TRAPPC6B: variants seen among roughly 807,000 people sequenced by gnomAD.
The protein encoded by TRAPPC6B is TRAPP complex subunit 6B.
In TRAPPC6B, 27 loss-of-function variants were observed where a neutral mutation model predicts 24.7. The observed-to-expected ratio is 1.09, with a 90% CI of 0.81 to 1.51. The LOEUF is 1.51. Ranked by LOEUF, TRAPPC6B falls within the 40% of genes most tolerant of loss-of-function variation. TRAPPC6B has a pLI of 0.00. For missense variants in TRAPPC6B, 212 were observed against 190.8 expected, an observed-to-expected ratio of 1.11 and a Z score of -0.66; for synonymous variants, 80 against 66.6, an observed-to-expected ratio of 1.20 and a Z score of -0.98.
At chr14:39,168,437 C>T (rs1476873710) in intron 1 of TRAPPC6B, among the ~76,000 whole-genome samples, 1 of 152,096 alleles carries the variant, frequency 6.6e-6, no homozygotes, top group East Asian at 1.9e-4. Flanking sequence ...AAAAAAATCT[C>T]TATTATAGAT....
chr14:39,165,267 G>A (rs533345743), intron 1 of TRAPPC6B, among the ~76,000 whole-genome samples: 2 of 152,054 alleles, frequency 1.3e-5, no homozygotes, highest in African/African-American at 2.4e-5. Flanking sequence ...GGACGGTCTC[G>A]ATCTCCTGAC....
chr14:39,164,637 G>A (rs1367798602), intron 1 of TRAPPC6B, among the ~76,000 whole-genome samples: 1 of 152,028 alleles, frequency 6.6e-6, no homozygotes, highest in Non-Finnish European at 1.5e-5. Context: ...AGGAGTTCGA[G>A]GGCAGCCTGG....
chr14:39,168,300 G>T (rs563573086), intron 1 of TRAPPC6B, among the ~76,000 whole-genome samples: 2 of 152,028 alleles, frequency 1.3e-5, no homozygotes, highest in Non-Finnish European at 2.9e-5. Context: ...AAGTGGTTTG[G>T]GGGGATCGGG....
intron 3 of TRAPPC6B, chr14:39,157,481 A>C (rs1481259673): frequency 2.6e-6 from 1 of 377,622 alleles, no homozygotes; most frequent in African/African-American, 2.1e-5. Flanking sequence ...GCAGGAGTTA[A>C]CACCATCTCC....
intron 3 of TRAPPC6B, among the ~76,000 whole-genome samples, chr14:39,155,122 G>T (rs1378048600): frequency 6.6e-6 from 1 of 151,950 alleles, no homozygotes; most frequent in Non-Finnish European, 1.5e-5. Context: ...TAGAAAGGGG[G>T]TCTCCCTATG....
At chr14:39,169,990 C>T (rs974007894) in intron 1 of TRAPPC6B, 25 bp downstream of exon 1, 2 of 1,612,628 alleles carry the variant, frequency 1.2e-6, no homozygotes, top group Non-Finnish European at 1.7e-6. Context: ...GCAAAAGGAC[C>T]TCAAGGTTGT....
intron 3 of TRAPPC6B, among the ~76,000 whole-genome samples, chr14:39,155,090 G>A (rs1043908939): frequency 4.6e-5 from 7 of 151,692 alleles, no homozygotes; most frequent in African/African-American, 9.7e-5. Flanking sequence ...CACCACACCC[G>A]GCTAGTTTTA....
chr14:39,159,571 T>A (rs1254834353), intron 1 of TRAPPC6B, 21 bp from the exon 2 acceptor site: 7 of 1,554,296 alleles, frequency 4.5e-6, no homozygotes, highest in Middle Eastern at 3.4e-4. Context: ...AAACAATAGT[T>A]TTAAATACTT....
intron 1 of TRAPPC6B, among the ~76,000 whole-genome samples, chr14:39,161,724 T>C (rs1212416989): frequency 6.6e-6 from 1 of 152,118 alleles, no homozygotes; most frequent in Non-Finnish European, 1.5e-5. Context: ...CCAGGTACAC[T>C]TCACTAGCCT....
chr14:39,156,552 G>A lies in TRAPPC6B; in HGVS notation c.267+1733C>T, dbSNP rs532320158. ...AAGACTAGTCTGGGCAACAAAGCGAGACTCTGTCTCCCTTTTAAAATTTTA... is the reference window on the plus strand; with the variant it reads ...AAGACTAGTCTGGGCAACAAAGCGAAACTCTGTCTCCCTTTTAAAATTTTA... On this transcript the variant is annotated intron_variant, in intron 3 of 5. Coordinates refer to ENST00000330149, the MANE Select transcript of TRAPPC6B (RefSeq NM_001079537.2). Among the ~76,000 whole-genome samples, 10 of 152,200 alleles carry A rather than the reference G, an allele frequency of 6.6e-5. 1 individual carries two copies. In the South Asian group the frequency reaches 2.1e-3, roughly 32 times the overall value.
At chr14:39,159,884 G>A (rs1327449291) in intron 1 of TRAPPC6B, among the ~76,000 whole-genome samples, 1 of 152,060 alleles carries the variant, frequency 6.6e-6, no homozygotes, top group East Asian at 1.9e-4. Flanking sequence ...GTACAGTGGG[G>A]CCATCTCGGC....
chr14:39,148,593 T>A lies in TRAPPC6B; in HGVS notation c.*1757A>T. 1 of 398,414 alleles carries A rather than the reference T, an allele frequency of 2.5e-6. No homozygotes were observed. The highest frequency in any genetic ancestry group is 4.4e-6 in the Non-Finnish European group (1 of 225,950). 24.7% of individuals were successfully genotyped at this position (398,414 alleles called of 1,614,324 possible). A position where few individuals can be genotyped will look rare whatever the true frequency, so the allele number is the denominator to read the frequency against. On this transcript the variant is annotated 3_prime_UTR_variant, in exon 6 of 6. Transcript: ENST00000330149. ...TTCTCACACCTGTTTTATTTTGAAG[T>A]TCTCTATTGTGTTCTATTTTGATCT...
chr14:39,169,991 T>G, intron 1 of TRAPPC6B, 24 bp downstream of exon 1: 1 of 1,612,614 alleles, frequency 6.2e-7, no homozygotes, highest in Non-Finnish European at 8.5e-7. Context: ...CAAAAGGACC[T>G]CAAGGTTGTG....
chr14:39,166,270 CA>C (rs1429265114), intron 1 of TRAPPC6B, among the ~76,000 whole-genome samples: 1 of 116,082 alleles, frequency 8.6e-6, no homozygotes, highest in Non-Finnish European at 1.9e-5. Context: ...AAAAAAAAAA[CA>C]AAAAAACAAG....
chr14:39,159,360 A>G (rs2053026706), intron 2 of TRAPPC6B, 123 bp downstream of exon 2: 1 of 552,502 alleles, frequency 1.8e-6, no homozygotes, highest in African/African-American at 2.0e-5. Flanking sequence ...TAATTTTTGA[A>G]GTAAAGAGAA....
chr14:39,156,189 C>A (rs1380613466), intron 3 of TRAPPC6B, among the ~76,000 whole-genome samples: 1 of 152,042 alleles, frequency 6.6e-6, no homozygotes, highest in Admixed American at 6.6e-5. Context: ...AAAGTTGGTA[C>A]AAAATGAATT....
At chr14:39,163,782 G>A (rs1452196489) in intron 1 of TRAPPC6B, among the ~76,000 whole-genome samples, 3 of 150,880 alleles carry the variant, frequency 2.0e-5, no homozygotes, top group Non-Finnish European at 4.4e-5. Flanking sequence ...TTAAATCTGC[G>A]TTTCTAGTAC....
chr14:39,157,106 CAAAAAAA>C (rs58837625), intron 3 of TRAPPC6B: 32 of 142,904 alleles, frequency 2.2e-4, no homozygotes, highest in Non-Finnish European at 2.0e-4. Flanking sequence ...GACTCCATCT[CAAAAAAA>C]AAAAAAAAAA....
chr14:39,163,945 A>T (rs1283156755), intron 1 of TRAPPC6B, among the ~76,000 whole-genome samples: 4 of 150,588 alleles, frequency 2.7e-5, no homozygotes, highest in Non-Finnish European at 5.9e-5. Context: ...AGTTACTCCA[A>T]CCAGAAAACT....
Sources: gnomAD v4.1 joint callset for allele counts (sites outside exome capture counted in the v4.1 genomes callset) on GRCh38, gnomAD v4.1.1 for gene constraint, MANE v1.5 for transcripts, NCBI Gene and HGNC (gene_info 2026-07-23, HGNC 2026-07-21) for gene names.